Variants in MYO5B observed in about 807,000 individuals in gnomAD.
MYO5B encodes myosin VB.
A neutral mutation model predicts 229.3 loss-of-function variants in MYO5B; 143 were observed. The observed-to-expected ratio is 0.62, with a 90% CI of 0.54 to 0.72. The LOEUF (loss-of-function observed/expected upper bound fraction) is 0.72. Among genes scored for constraint, MYO5B ranks in the 30% least tolerant of loss-of-function variants. The pLI is 0.00. For synonymous variants in MYO5B, 918 were observed against 885.2 expected (o/e 1.04, Z -0.66); for missense variants, 2,321 against 2,331.0 (o/e 1.00, Z 0.09).
In MYO5B at chr18:49,990,314, T is replaced by C. The variant is rs139167007; in HGVS notation, c.838+125A>G. ...GAAATTTAGAGAGGCCTAGGGGTTA[T>C]GGCCACATAAGAGGCAGAGCCGAGA... On this transcript the variant is annotated intron_variant, in intron 7 of 39. Transcript: ENST00000285039. 311 of 774,632 alleles carry C rather than the reference T, an allele frequency of 4.0e-4. 1 individual carries two copies. Among genetic ancestry groups the C allele is most frequent in the African/African-American group, 3.8e-3 (222 of 58,408 alleles). The allele number at this position is 774,632 out of a possible 1,614,324, so 48.0% of individuals were successfully genotyped here.
Position 49,875,867 on chromosome 18 carries a change from A to G in MYO5B, c.3397-40T>C, listed in dbSNP as rs1392131432. 2.5e-6 allele frequency: 4 copies of G among 1,612,420 alleles called. No homozygotes were observed. The South Asian group carries it at 4.4e-5, about 18-fold the overall frequency. On this transcript the variant is annotated intron_variant, in intron 25 of 39. Coordinates refer to ENST00000285039, the MANE Select transcript of MYO5B (RefSeq NM_001080467.3). ...AGGCACAGAAAAAAGGTTTTCCTAA[A>G]TACATGCCTTAGGGAACACACAGCA...
intron 14 of MYO5B, among the ~76,000 whole-genome samples, chr18:49,950,516 A>C (rs1033982005): frequency 3.3e-5 from 5 of 152,198 alleles, no homozygotes; most frequent in African/African-American, 1.2e-4. Flanking sequence ...TTGAAATAGC[A>C]AATTATCAGC....
At chr18:50,131,206 CTT>C (rs763292266) in intron 1 of MYO5B, among the ~76,000 whole-genome samples, 1 of 152,204 alleles carries the variant, frequency 6.6e-6, no homozygotes, top group Non-Finnish European at 1.5e-5. Context: ...TGCATAGAAA[CTT>C]AGTCCTGAAA....
chr18:50,020,041 T>C (rs1001407469), intron 4 of MYO5B, among the ~76,000 whole-genome samples: 1 of 152,166 alleles, frequency 6.6e-6, no homozygotes, highest in Non-Finnish European at 1.5e-5. Flanking sequence ...CAAGCTCATC[T>C]ACCCTAGGCT....
intron 1 of MYO5B, among the ~76,000 whole-genome samples, chr18:50,192,363 G>A (rs2033240290): frequency 1.3e-5 from 2 of 152,186 alleles, no homozygotes; most frequent in South Asian, 4.1e-4. Flanking sequence ...GTACAATCCT[G>A]AAGACAAAGC....
intron 1 of MYO5B, among the ~76,000 whole-genome samples, chr18:50,176,344 G>A (rs1490163559): frequency 6.6e-6 from 1 of 152,230 alleles, no homozygotes; most frequent in East Asian, 1.9e-4. Context: ...TGTCCCTGGG[G>A]TATCCTCAAT....
intron 1 of MYO5B, among the ~76,000 whole-genome samples, chr18:50,082,919 T>C (rs2031252120): frequency 6.6e-6 from 1 of 152,146 alleles, no homozygotes; most frequent in African/African-American, 2.4e-5. Flanking sequence ...GTGTTCCTCC[T>C]AAAATTCAAT....
At chr18:49,911,730 A>G (rs1418102526) in intron 18 of MYO5B, among the ~76,000 whole-genome samples, 1 of 152,202 alleles carries the variant, frequency 6.6e-6, no homozygotes, top group Non-Finnish European at 1.5e-5. Flanking sequence ...AGAGCAGAAT[A>G]TCTGTGTGTC....
At chr18:49,850,661 A>C (rs902481570) in intron 31 of MYO5B, 9 of 152,134 alleles carry the variant, frequency 5.9e-5, no homozygotes, top group African/African-American at 2.2e-4. Flanking sequence ...GTGTCTAGAG[A>C]AAATTGAGCC....
chr18:50,057,613 A>G (rs756934059), intron 1 of MYO5B, among the ~76,000 whole-genome samples: 12 of 152,034 alleles, frequency 7.9e-5, no homozygotes, highest in Non-Finnish European at 1.8e-4. Context: ...CTCAACTTTT[A>G]TTCTAGGGGA....
intron 23 of MYO5B, among the ~76,000 whole-genome samples, chr18:49,879,688 G>C (rs1185095092): frequency 1.3e-5 from 2 of 152,328 alleles, no homozygotes; most frequent in East Asian, 3.9e-4. Context: ...ACCTGAGTAT[G>C]GGAGAAGGGG....
chr18:49,859,889 G>A (rs921725255), intron 29 of MYO5B, among the ~76,000 whole-genome samples: 3 of 152,224 alleles, frequency 2.0e-5, no homozygotes, highest in African/African-American at 7.2e-5. Context: ...AAGGTCAAAT[G>A]AGCCAACAGC....
chr18:49,902,486 T>A (rs1405409918), intron 21 of MYO5B, 108 bp downstream of exon 21: 2 of 1,496,514 alleles, frequency 1.3e-6, no homozygotes, highest in Non-Finnish European at 1.8e-6. Flanking sequence ...ACGTCTGTGC[T>A]CCCTCGGGTC....
Position 49,962,327 on chromosome 18 carries a change from G to A in MYO5B, c.1484C>T (p.Pro495Leu), listed in dbSNP as rs1302218035. The change falls in exon 12 of 40, where the codon CCT (proline) becomes CTT (leucine). Residue 495 changes from proline to leucine, a missense_variant. Transcript: ENST00000285039. ...WTLIDFYDNQ[P>L]CIDLIEAKLG... Reference sequence around the variant, plus strand: ...CTTGGCTTCAATGAGGTCGATACAAGGTTGGTTATCATAAAAATCAATCAG... The same window carrying A: ...CTTGGCTTCAATGAGGTCGATACAAAGTTGGTTATCATAAAAATCAATCAG... 1 of 1,614,168 alleles carries A rather than the reference G, an allele frequency of 6.2e-7. No homozygotes were observed. The highest frequency in any genetic ancestry group is 1.3e-5 in the African/African-American group (1 of 75,056).
In MYO5B at chr18:50,168,857, C is replaced by T. The variant is rs1265522127; in HGVS notation, c.27+25910G>A. On this transcript the variant is annotated intron_variant, in intron 1 of 39. Coordinates refer to ENST00000285039, the MANE Select transcript of MYO5B (RefSeq NM_001080467.3). The stretch of plus-strand genomic sequence containing the variant: ...ATATCTGTGTAAGCAGCATTCAGAT[C>T]GGAAGTTACATTATCAGCATCCCAG... 2.1e-4 allele frequency among the ~76,000 whole-genome samples: 27 copies of T among 128,044 alleles called. 10 individuals carry two copies. The highest frequency in any genetic ancestry group is 4.2e-4 in the Admixed American group (5 of 12,006). The allele number at this position is 128,044 out of a possible 152,430, so 84.0% of individuals were successfully genotyped here.
At chr18:50,134,861 A>G (rs2032312093) in intron 1 of MYO5B, among the ~76,000 whole-genome samples, 1 of 152,204 alleles carries the variant, frequency 6.6e-6, no homozygotes, top group Non-Finnish European at 1.5e-5. Context: ...ATCTCCCTTG[A>G]TGCTTGAAGT....
chr18:49,835,497 T>A (rs935038010), intron 38 of MYO5B, 73 bp from the exon 39 acceptor site: 47 of 931,910 alleles, frequency 5.0e-5, no homozygotes, highest in Non-Finnish European at 7.3e-5. Context: ...TTAAAGAATA[T>A]GTGACATTGG....
At chr18:49,879,711 TCA>T (rs2024565740) in intron 23 of MYO5B, among the ~76,000 whole-genome samples, 1 of 152,140 alleles carries the variant, frequency 6.6e-6, no homozygotes, top group Non-Finnish European at 1.5e-5. Context: ...TTGCTCAAAA[TCA>T]CAGTGAGTTG....
At chr18:50,159,636 C>T (rs113687109) in intron 1 of MYO5B, among the ~76,000 whole-genome samples, 1 of 152,182 alleles carries the variant, frequency 6.6e-6, no homozygotes, top group Admixed American at 6.5e-5. Flanking sequence ...GACTTGTCTC[C>T]CAACTGTCCC....
Sources: allele counts gnomAD v4.1 joint callset (sites outside exome capture counted in the v4.1 genomes callset), GRCh38; gene constraint gnomAD v4.1.1; transcripts MANE v1.5; gene names NCBI Gene and HGNC (gene_info 2026-07-23, HGNC 2026-07-21).